CBLB: variants seen among roughly 807,000 people sequenced by gnomAD.
The protein encoded by CBLB is Cbl proto-oncogene B.
CBLB carries 31 observed loss-of-function variants against 104.9 expected under a neutral mutation model. The observed-to-expected ratio is 0.30, with a 90% CI of 0.22 to 0.40. The LOEUF is 0.40. Ranked by LOEUF, CBLB falls within the 10% of genes least tolerant of loss-of-function variation. The pLI is 1.00. For missense variants in CBLB, 1,062 were observed against 1,214.6 expected, an observed-to-expected ratio of 0.87 and a Z score of 1.87; for synonymous variants, 440 against 422.6, an observed-to-expected ratio of 1.04 and a Z score of -0.51.
intron 4 of CBLB, among the ~76,000 whole-genome samples, chr3:105,771,308 C>G (rs901803517): frequency 1.3e-5 from 2 of 151,792 alleles, no homozygotes; most frequent in African/African-American, 4.8e-5. Context: ...CTCAATAGAC[C>G]CAGAAATAGC....
chr3:105,698,307 T>G (rs781617414), intron 12 of CBLB, among the ~76,000 whole-genome samples: 1 of 152,000 alleles, frequency 6.6e-6, no homozygotes, highest in Non-Finnish European at 1.5e-5. Context: ...TTATTTCCAT[T>G]TCCCCTATCA....
chr3:105,795,937 T>C (rs1404998007), intron 3 of CBLB, among the ~76,000 whole-genome samples: 4 of 149,386 alleles, frequency 2.7e-5, no homozygotes, highest in African/African-American at 9.9e-5. Flanking sequence ...AGAGACAGGC[T>C]TGTCTCTAAC....
chr3:105,816,707 CAA>C (rs2085107019), intron 3 of CBLB, among the ~76,000 whole-genome samples: 1 of 152,070 alleles, frequency 6.6e-6, no homozygotes. Flanking sequence ...TTTTTAAAAA[CAA>C]AGTCTCTATT....
intron 3 of CBLB, among the ~76,000 whole-genome samples, chr3:105,797,951 T>C (rs1462150898): frequency 6.6e-6 from 1 of 152,206 alleles, no homozygotes; most frequent in Admixed American, 6.5e-5. Flanking sequence ...TTTTACCCAT[T>C]ACAACGGTAG....
intron 4 of CBLB, among the ~76,000 whole-genome samples, chr3:105,772,898 G>A (rs1031003653): frequency 3.3e-5 from 5 of 152,138 alleles, no homozygotes; most frequent in African/African-American, 4.8e-5. Flanking sequence ...AGATGTTGAC[G>A]TGGATGTTGT....
At chr3:105,768,537 A>G (rs1388182355) in intron 4 of CBLB, among the ~76,000 whole-genome samples, 2 of 152,200 alleles carry the variant, frequency 1.3e-5, no homozygotes, top group Non-Finnish European at 2.9e-5. Context: ...TCATTCAACA[A>G]CCATTTACAA....
At chr3:105,815,821 T>G (rs1453729986) in intron 3 of CBLB, among the ~76,000 whole-genome samples, 4 of 151,960 alleles carry the variant, frequency 2.6e-5, no homozygotes, top group Admixed American at 2.0e-4. Flanking sequence ...TTAGACTAGA[T>G]AAAGAAAATG....
At chr3:105,743,923 T>C (rs2075863053) in intron 6 of CBLB, among the ~76,000 whole-genome samples, 1 of 152,056 alleles carries the variant, frequency 6.6e-6, no homozygotes, top group Admixed American at 6.6e-5. Context: ...AATCATTACA[T>C]GGCAAGTTAG....
intron 1 of CBLB, chr3:105,868,240 T>G: frequency 8.1e-7 from 1 of 1,231,674 alleles, no homozygotes; most frequent in Non-Finnish European, 1.0e-6. Context: ...ATAGCCCATT[T>G]GAAAAGAGAA....
At chr3:105,858,843 T>TA (rs2091852478) in intron 2 of CBLB, among the ~76,000 whole-genome samples, 1 of 151,920 alleles carries the variant, frequency 6.6e-6, no homozygotes, top group African/African-American at 2.4e-5. Context: ...TACAACTGAG[T>TA]TTTGTATTTG....
At chr3:105,689,622 C>T (rs919960935) in intron 13 of CBLB, among the ~76,000 whole-genome samples, 12 of 150,160 alleles carry the variant, frequency 8.0e-5, no homozygotes, top group African/African-American at 2.7e-4. Context: ...CTATTGTGTG[C>T]CAAGTAAAAT....
At chr3:105,670,576 C>T in intron 17 of CBLB, 1 of 510,018 alleles carries the variant, frequency 2.0e-6, no homozygotes, top group South Asian at 2.3e-5. Context: ...ATAAAGACTA[C>T]TTGTTTTATA....
At chr3:105,829,544 ACCTACTTGGGAG>A (rs1223759811) in intron 3 of CBLB, among the ~76,000 whole-genome samples, 16 of 151,854 alleles carry the variant, frequency 1.1e-4, no homozygotes, top group Middle Eastern at 3.4e-3. Flanking sequence ...CTGTAGTCCC[ACCTACTTGGGAG>A]CCTACTTGGA....
chr3:105,849,454 C>G (rs77451995), intron 3 of CBLB, among the ~76,000 whole-genome samples: 177 of 152,182 alleles, frequency 1.2e-3, no homozygotes, highest in African/African-American at 4.1e-3. Flanking sequence ...GGCAAGAATA[C>G]ACAGAATGAG....
At chr3:105,719,932 T>C in intron 10 of CBLB, 115 bp downstream of exon 10, 1 of 776,778 alleles carries the variant, frequency 1.3e-6, no homozygotes. Flanking sequence ...GGCTAGTATG[T>C]GTGTGTGCCT....
chr3:105,800,929 A>G lies in CBLB; in HGVS notation c.420-24387T>C, dbSNP rs535639200. ...CAGTACAATGCACACTTTGTCAAAA[A>G]GAACTGATCCATTTGGCTTATATGT... On this transcript the variant is annotated intron_variant, in intron 3 of 18. Transcript: ENST00000394030. Among the ~76,000 whole-genome samples, 3 of 152,314 alleles carry G rather than the reference A, an allele frequency of 2.0e-5. No individual in the cohort carries two copies. The East Asian group carries it at 5.8e-4, about 29-fold the overall frequency.
Position 105,702,219 on chromosome 3 carries a change from C to T in CBLB, c.1834G>A (p.Glu612Lys), listed in dbSNP as rs751168713. The T allele has an allele frequency of 1.9e-6, 3 of 1,613,982 alleles. No individual in the cohort carries two copies. The East Asian group carries it at 6.7e-5, about 36-fold the overall frequency. ...GTGATTCCAGGTTTTGGAGAGCCCTCCCCTAGGAGTCGACATCCCACAAGC... is the reference window on the plus strand; with the variant it reads ...GTGATTCCAGGTTTTGGAGAGCCCTTCCCTAGGAGTCGACATCCCACAAGC... Reference protein sequence around the residue: ...NQLVGCRLLGEGSPKPGITAS... With the variant: ...NQLVGCRLLGKGSPKPGITAS... Residue 612 changes from glutamate to lysine, a missense_variant, in exon 12 of 19, where the codon GAG becomes AAG. Glu to Lys is a moderately conservative substitution (Grantham distance 56, BLOSUM62 1). This residue lies in a region of CBLB where 605 missense variants were observed against 582.6 expected (regional missense o/e 1.04). Coordinates refer to ENST00000394030, the MANE Select transcript of CBLB (RefSeq NM_170662.5).
chr3:105,799,191 A>AG, intron 3 of CBLB, among the ~76,000 whole-genome samples: 1 of 151,786 alleles, frequency 6.6e-6, no homozygotes, highest in African/African-American at 2.4e-5. Context: ...AAAAAAAAAA[A>AG]AAAGAAATCC....
At chr3:105,855,447 T>G (rs1353857681) in intron 2 of CBLB, among the ~76,000 whole-genome samples, 7 of 152,236 alleles carry the variant, frequency 4.6e-5, no homozygotes, top group Non-Finnish European at 1.0e-4. Context: ...GTGAAGGATA[T>G]GTTAATTTAT....
Sources: allele counts gnomAD v4.1 joint callset (sites outside exome capture counted in the v4.1 genomes callset), GRCh38; gene constraint gnomAD v4.1.1; regional missense constraint gnomAD v4.1.1; transcripts MANE v1.5; gene names NCBI Gene and HGNC (gene_info 2026-07-23, HGNC 2026-07-21).